The following AKAP6 variants were observed in gnomAD, a reference collection of about 807,000 sequenced individuals.
AKAP6 encodes A-kinase anchor protein 6.
In AKAP6, 58 loss-of-function variants were observed where a neutral mutation model predicts 188.5. The ratio of observed to expected loss-of-function variants is 0.31; its 90% confidence interval spans 0.25 to 0.38. The LOEUF (loss-of-function observed/expected upper bound fraction) is 0.38. Among genes scored for constraint, AKAP6 ranks in the 10% least tolerant of loss-of-function variants. AKAP6 has a pLI of 1.00. For missense variants in AKAP6, 2,710 were observed against 2,740.0 expected (o/e 0.99, Z 0.24); for synonymous variants, 989 against 998.6 (o/e 0.99, Z 0.18).
chr14:32,377,515 G>A (rs939958113), intron 1 of AKAP6, among the ~76,000 whole-genome samples: 5 of 152,144 alleles, frequency 3.3e-5, no homozygotes, highest in Middle Eastern at 3.4e-3. Context: ...GTGCATGAGA[G>A]AGAGAGAGAG....
chr14:32,783,789 G>A (rs749290905), intron 12 of AKAP6, among the ~76,000 whole-genome samples: 53 of 152,100 alleles, frequency 3.5e-4, no homozygotes, highest in Non-Finnish European at 6.5e-4. Flanking sequence ...GTTACCACCT[G>A]GTTTGTAACT....
chr14:32,736,055 G>C (rs2031406798), intron 11 of AKAP6, among the ~76,000 whole-genome samples, 173 bp downstream of exon 11: 1 of 152,060 alleles, frequency 6.6e-6, no homozygotes, highest in East Asian at 1.9e-4. Context: ...TGTGTATAAA[G>C]ATGAACATTA....
chr14:32,823,775 G>A lies in AKAP6; in HGVS notation c.5962G>A (p.Ala1988Thr), dbSNP rs986348901. Residue 1988 changes from alanine to threonine, a missense_variant, in exon 13 of 14, where the codon GCT becomes ACT. This residue lies in a region of AKAP6 where 2,473 missense variants were observed against 2,426.1 expected (regional missense o/e 1.02). Transcript: ENST00000280979. ...TPTEKSFSEL[A>T]LETRFNNRQD... ...CACTGAGAAGTCTTTCTCAGAACTG[G>A]CTTTAGAAACCAGGTTTAACAACAG... 3 of 1,613,460 alleles carry A rather than the reference G, an allele frequency of 1.9e-6. No homozygotes were observed. The East Asian group carries it at 6.7e-5, about 36-fold the overall frequency.
intron 7 of AKAP6, among the ~76,000 whole-genome samples, chr14:32,664,490 A>G (rs565694139): frequency 1.1e-4 from 16 of 152,206 alleles, no homozygotes; most frequent in African/African-American, 3.6e-4. Context: ...TAGGTTCTAG[A>G]GTTTTACTTT....
chr14:32,736,039 T>G (rs900401150), intron 11 of AKAP6, among the ~76,000 whole-genome samples, 157 bp downstream of exon 11: 3 of 152,170 alleles, frequency 2.0e-5, no homozygotes, highest in African/African-American at 7.2e-5. Flanking sequence ...TTCTTATATG[T>G]CTCTATGTGT....
intron 5 of AKAP6, among the ~76,000 whole-genome samples, chr14:32,578,796 C>A (rs1391479217): frequency 2.0e-5 from 3 of 151,534 alleles, no homozygotes; most frequent in African/African-American, 7.2e-5. Flanking sequence ...GAAAGCCGGG[C>A]TAGGAGAGTA....
At chr14:32,819,050 T>C (rs1228901592) in intron 12 of AKAP6, among the ~76,000 whole-genome samples, 3 of 152,170 alleles carry the variant, frequency 2.0e-5, no homozygotes, top group Non-Finnish European at 4.4e-5. Flanking sequence ...GTACTTCCTT[T>C]ATCAGCAAGC....
intron 9 of AKAP6, among the ~76,000 whole-genome samples, chr14:32,730,619 G>A (rs1424524364): frequency 6.6e-6 from 1 of 152,088 alleles, no homozygotes; most frequent in Non-Finnish European, 1.5e-5. Context: ...ATTCCCAAGT[G>A]GCACAGCCAG....
At chr14:32,729,341 T>C (rs941649717) in intron 9 of AKAP6, among the ~76,000 whole-genome samples, 8 of 152,140 alleles carry the variant, frequency 5.3e-5, no homozygotes, top group Non-Finnish European at 1.0e-4. Flanking sequence ...AAAAGTTATC[T>C]CAATCAAGTC....
intron 8 of AKAP6, among the ~76,000 whole-genome samples, chr14:32,686,018 C>T (rs567018971): frequency 6.6e-6 from 1 of 152,186 alleles, no homozygotes; most frequent in East Asian, 1.9e-4. Context: ...TTCACAATAG[C>T]CAAGCTTTGG....
chr14:32,500,614 AG>A (rs1292342883), intron 2 of AKAP6, among the ~76,000 whole-genome samples: 4 of 152,182 alleles, frequency 2.6e-5, no homozygotes, highest in Non-Finnish European at 4.4e-5. Flanking sequence ...AATACTACTT[AG>A]AATGGTGAAG....
intron 7 of AKAP6, among the ~76,000 whole-genome samples, chr14:32,654,705 T>A (rs140546312): frequency 0.011 from 1,617 of 150,036 alleles, 23 homozygotes; most frequent in South Asian, 0.055. Context: ...AAAAATTAGC[T>A]GGGCATGGTG....
At chr14:32,682,443 G>T (rs578057099) in intron 8 of AKAP6, among the ~76,000 whole-genome samples, 1 of 152,188 alleles carries the variant, frequency 6.6e-6, no homozygotes, top group Non-Finnish European at 1.5e-5. Context: ...AGCATCTGGC[G>T]CAGTGCCTGG....
intron 9 of AKAP6, among the ~76,000 whole-genome samples, chr14:32,699,168 C>T (rs938089495): frequency 6.6e-6 from 1 of 152,094 alleles, no homozygotes; most frequent in Non-Finnish European, 1.5e-5. Context: ...ACCTTCCTGA[C>T]TTTACCTATA....
intron 1 of AKAP6, among the ~76,000 whole-genome samples, chr14:32,359,019 T>C (rs1031697354): frequency 6.6e-6 from 1 of 152,160 alleles, no homozygotes; most frequent in Non-Finnish European, 1.5e-5. Context: ...GACTGGCCTT[T>C]ATTAGGTTTC....
chr14:32,355,514 TG>T (rs1305207704), intron 1 of AKAP6, among the ~76,000 whole-genome samples: 10 of 152,294 alleles, frequency 6.6e-5, no homozygotes, highest in African/African-American at 2.4e-4. Flanking sequence ...ATGTTTTGAA[TG>T]AAATGCATAG....
At chr14:32,371,932 TTCTC>T (rs1226577314) in intron 1 of AKAP6, among the ~76,000 whole-genome samples, 2 of 152,116 alleles carry the variant, frequency 1.3e-5, no homozygotes, top group African/African-American at 2.4e-5. Flanking sequence ...CTATTTCTCT[TTCTC>T]TCTCTACTTC....
At position 32,671,166 on chromosome 14, in the gene AKAP6, T is replaced by A. The variant is rs79646392; in HGVS notation, c.2731-7145T>A. On this transcript the variant is annotated intron_variant, in intron 7 of 13. Transcript: ENST00000280979. The stretch of plus-strand genomic sequence containing the variant: ...TTTTAAGTAGCAGGTCAGGGAAGAC[T>A]TGGATGCAAGAGGTTATCTCAGCAA... 3.2e-3 allele frequency among the ~76,000 whole-genome samples: 494 copies of A among 152,212 alleles called. 26 individuals are homozygous for A. In the East Asian group the frequency reaches 0.082, roughly 25 times the overall value.
intron 11 of AKAP6, among the ~76,000 whole-genome samples, chr14:32,736,997 T>G (rs2031458701): frequency 6.6e-6 from 1 of 152,210 alleles, no homozygotes; most frequent in African/African-American, 2.4e-5. Flanking sequence ...GAAGTTAAAG[T>G]GTCTTGCCAA....
Sources: allele counts gnomAD v4.1 joint callset (sites outside exome capture counted in the v4.1 genomes callset), GRCh38; gene constraint gnomAD v4.1.1; regional missense constraint gnomAD v4.1.1; transcripts MANE v1.5; gene names NCBI Gene and HGNC (gene_info 2026-07-23, HGNC 2026-07-21).